The following CTNNA3 variants were observed in gnomAD, a reference collection of about 807,000 sequenced individuals.
The protein encoded by CTNNA3 is catenin alpha 3, also known as catenin alpha-3.
In CTNNA3, 76 loss-of-function variants were observed where a neutral mutation model predicts 95.7. The observed-to-expected ratio is 0.79, with a 90% CI of 0.66 to 0.96. The LOEUF (loss-of-function observed/expected upper bound fraction) is 0.96. Ranked by LOEUF, CTNNA3 falls within the 40% of genes least tolerant of loss-of-function variation. The pLI is 0.00. For synonymous variants in CTNNA3, 431 were observed against 374.4 expected (o/e 1.15, Z -1.74); for missense variants, 1,191 against 1,089.8 (o/e 1.09, Z -1.31).
chr10:66,178,717 C>T (rs1276355623), intron 13 of CTNNA3, among the ~76,000 whole-genome samples: 1 of 151,482 alleles, frequency 6.6e-6, no homozygotes, highest in African/African-American at 2.4e-5. Flanking sequence ...CAACACTTAA[C>T]ATTAAAAAAA....
intron 15 of CTNNA3, among the ~76,000 whole-genome samples, chr10:66,068,184 T>C (rs1318360036): frequency 1.3e-5 from 2 of 152,064 alleles, no homozygotes; most frequent in African/African-American, 4.8e-5. Context: ...TTTCAAATAT[T>C]TGTCTGCCAT....
rs1290136424 is a variant in CTNNA3 at position 67,742,555 on chromosome 10, A to T, written c.-2+20879T>A. ...ATGCCCACAAGAGAAAGCAGGAAAGATCTAAAATTGACACCCTAACATCAC... is the reference window on the plus strand; with the variant it reads ...ATGCCCACAAGAGAAAGCAGGAAAGTTCTAAAATTGACACCCTAACATCAC... On this transcript the variant is annotated intron_variant, in intron 1 of 17. Coordinates refer to the CTNNA3 transcript ENST00000684154. 1.3e-4 allele frequency among the ~76,000 whole-genome samples: 20 copies of T among 151,356 alleles called. No individual in the cohort carries two copies. The East Asian group carries it at 3.9e-3, about 29-fold the overall frequency.
chr10:67,220,103 G>A (rs1400419347), intron 5 of CTNNA3, among the ~76,000 whole-genome samples: 3 of 152,324 alleles, frequency 2.0e-5, no homozygotes, highest in Admixed American at 1.3e-4. Context: ...TAGAGCAGAT[G>A]TGTAAAGATC....
At chr10:67,119,672 AT>A (rs1358298144) in intron 7 of CTNNA3, among the ~76,000 whole-genome samples, 1 of 151,880 alleles carries the variant, frequency 6.6e-6, no homozygotes, top group South Asian at 2.1e-4. Context: ...TTTAAATATA[AT>A]TTTAGTAAGG....
chr10:66,236,909 G>A (rs1206585927), intron 13 of CTNNA3, among the ~76,000 whole-genome samples: 7 of 151,432 alleles, frequency 4.6e-5, no homozygotes, highest in Non-Finnish European at 8.8e-5. Context: ...GAGCCCAAGA[G>A]TTCGAGACCA....
intron 6 of CTNNA3, among the ~76,000 whole-genome samples, chr10:67,190,108 A>T (rs2132171351): frequency 6.6e-6 from 1 of 152,306 alleles, no homozygotes; most frequent in African/African-American, 2.4e-5. Context: ...GGATTATTTT[A>T]ATCAATATGA....
chr10:66,563,906 C>T (rs1370989968), intron 10 of CTNNA3, among the ~76,000 whole-genome samples: 1 of 152,068 alleles, frequency 6.6e-6, no homozygotes, highest in Non-Finnish European at 1.5e-5. Flanking sequence ...AGCCACCTCC[C>T]CACTTTGAGT....
intron 12 of CTNNA3, among the ~76,000 whole-genome samples, chr10:66,298,589 C>A (rs2091816715): frequency 6.6e-6 from 1 of 152,132 alleles, no homozygotes; most frequent in Non-Finnish European, 1.5e-5. Context: ...TGAATTTTCT[C>A]TCAGGAAATC....
At chr10:67,568,661 T>C (rs750151329) in intron 3 of CTNNA3, among the ~76,000 whole-genome samples, 6 of 152,078 alleles carry the variant, frequency 3.9e-5, no homozygotes, top group Admixed American at 6.6e-5. Flanking sequence ...TTGAAAGAGC[T>C]TTTGAAACTC....
intron 7 of CTNNA3, among the ~76,000 whole-genome samples, chr10:66,809,563 C>A (rs527598765): frequency 2.6e-5 from 4 of 152,100 alleles, no homozygotes; most frequent in Non-Finnish European, 4.4e-5. Context: ...GTGATTAATT[C>A]CTTTTTCCAA....
intron 9 of CTNNA3, among the ~76,000 whole-genome samples, chr10:66,687,817 T>C (rs1847357246): frequency 6.6e-6 from 1 of 152,086 alleles, no homozygotes; most frequent in African/African-American, 2.4e-5. Flanking sequence ...CTAGACTCTA[T>C]ATTCTAATGA....
At position 67,587,196 on chromosome 10, in the gene CTNNA3, TG is replaced by T. The variant is rs1226181198; in HGVS notation, c.292+19660del. On this transcript the variant is annotated intron_variant, in intron 3 of 17. Coordinates refer to ENST00000433211, the MANE Select transcript of CTNNA3 (RefSeq NM_013266.4). The stretch of plus-strand genomic sequence containing the variant: ...TGCACCATGACACCCAGCTAACTTG[TG>T]TGTGTGTGTGTGTGTGTGTGTGTGT... Among the ~76,000 whole-genome samples the T allele has an allele frequency of 6.5e-5, 4 of 61,912 alleles. No individual in the cohort carries two copies. The East Asian group carries it at 2.4e-3, about 36-fold the overall frequency. The allele number at this position is 61,912 out of a possible 152,430, so 40.6% of individuals were successfully genotyped here. A position where few individuals can be genotyped will look rare whatever the true frequency, so the allele number is the denominator to read the frequency against.
chr10:66,599,671 C>G (rs939148801), intron 10 of CTNNA3, among the ~76,000 whole-genome samples: 1 of 151,740 alleles, frequency 6.6e-6, no homozygotes, highest in African/African-American at 2.4e-5. Context: ...CTCAAAGTGT[C>G]TTAGGAAATG....
intron 1 of CTNNA3, among the ~76,000 whole-genome samples, chr10:67,741,471 C>T (rs1264524314): frequency 6.6e-6 from 1 of 150,476 alleles, no homozygotes; most frequent in Non-Finnish European, 1.5e-5. Flanking sequence ...GATTTTGTCA[C>T]CAACAGGCCT....
intron 7 of CTNNA3, among the ~76,000 whole-genome samples, chr10:66,805,452 C>A (rs1406408153): frequency 6.7e-6 from 1 of 149,922 alleles, no homozygotes; most frequent in Non-Finnish European, 1.5e-5. Context: ...ATGATTTTTT[C>A]ACTTTCTGTC....
intron 5 of CTNNA3, among the ~76,000 whole-genome samples, chr10:67,365,701 G>A (rs1843185759): frequency 6.6e-6 from 1 of 152,196 alleles, no homozygotes; most frequent in African/African-American, 2.4e-5. Context: ...AGTTAGAATG[G>A]CAATCATTAA....
At chr10:66,808,200 G>T (rs1432624946) in intron 7 of CTNNA3, among the ~76,000 whole-genome samples, 1 of 151,840 alleles carries the variant, frequency 6.6e-6, no homozygotes, top group Non-Finnish European at 1.5e-5. Flanking sequence ...CTGCTAAGAA[G>T]TCAACTCCAT....
intron 15 of CTNNA3, among the ~76,000 whole-genome samples, chr10:65,989,840 T>C (rs1253876527): frequency 1.3e-5 from 2 of 152,076 alleles, no homozygotes; most frequent in African/African-American, 4.8e-5. Flanking sequence ...TTTGCTCCCA[T>C]TAACCAACCT....
chr10:67,142,064 A>G (rs1860594195), intron 7 of CTNNA3, among the ~76,000 whole-genome samples: 1 of 152,180 alleles, frequency 6.6e-6, no homozygotes, highest in African/African-American at 2.4e-5. Flanking sequence ...TTTTCTGGAA[A>G]TGGAAGATTA....
Sources: gnomAD v4.1 joint callset for allele counts (sites outside exome capture counted in the v4.1 genomes callset) on GRCh38, gnomAD v4.1.1 for gene constraint, MANE v1.5 for transcripts, NCBI Gene and HGNC (gene_info 2026-07-23, HGNC 2026-07-21) for gene names.